Variants in CAMK1D observed in about 807,000 individuals in gnomAD.
CAMK1D encodes calcium/calmodulin dependent protein kinase ID.
A neutral mutation model predicts 47.7 loss-of-function variants in CAMK1D; 9 were observed. The observed-to-expected ratio is 0.19, with a 90% CI of 0.11 to 0.33. The LOEUF (loss-of-function observed/expected upper bound fraction) is 0.33. Among genes scored for constraint, CAMK1D ranks in the 10% least tolerant of loss-of-function variants. The pLI, the probability that CAMK1D is intolerant of heterozygous loss-of-function variation, is 1.00. For synonymous variants in CAMK1D, 184 were observed against 184.9 expected, an observed-to-expected ratio of 0.99 and a Z score of 0.04; for missense variants, 291 against 488.7, an observed-to-expected ratio of 0.60 and a Z score of 3.81.
chr10:12,769,361 G>A (rs947015783), intron 4 of CAMK1D, among the ~76,000 whole-genome samples: 1 of 152,190 alleles, frequency 6.6e-6, no homozygotes, highest in African/African-American at 2.4e-5. Context: ...CCTAACCCCA[G>A]ACGTAAATCC....
chr10:12,528,929 A>G (rs1835715890), intron 1 of CAMK1D, among the ~76,000 whole-genome samples: 1 of 151,848 alleles, frequency 6.6e-6, no homozygotes, highest in Non-Finnish European at 1.5e-5. Flanking sequence ...TTTTGTAGAG[A>G]TAGTGTCTCA....
chr10:12,781,972 GTTTTTTT>G (rs58759372), intron 5 of CAMK1D, among the ~76,000 whole-genome samples: 5 of 128,652 alleles, frequency 3.9e-5, no homozygotes, highest in South Asian at 2.5e-4. Context: ...TAATTTAATT[GTTTTTTT>G]TTTTTTTTTT....
At chr10:12,613,046 A>G (rs765852840) in intron 2 of CAMK1D, among the ~76,000 whole-genome samples, 1 of 152,140 alleles carries the variant, frequency 6.6e-6, no homozygotes, top group Non-Finnish European at 1.5e-5. Flanking sequence ...TGGCAGGAAT[A>G]AAGGTAGTTG....
At chr10:12,614,092 C>G (rs1838711509) in intron 2 of CAMK1D, among the ~76,000 whole-genome samples, 1 of 151,994 alleles carries the variant, frequency 6.6e-6, no homozygotes, top group Non-Finnish European at 1.5e-5. Flanking sequence ...TTAAAAGAGC[C>G]AGACTGCCTT....
At chr10:12,554,713 A>ATT (rs111563640) in intron 2 of CAMK1D, among the ~76,000 whole-genome samples, 7 of 148,802 alleles carry the variant, frequency 4.7e-5, no homozygotes, top group Non-Finnish European at 9.0e-5. Context: ...ATTAAAAAAA[A>ATT]ATTTTTTTTT....
chr10:12,523,346 G>A (rs1007132320), intron 1 of CAMK1D, among the ~76,000 whole-genome samples: 12 of 152,252 alleles, frequency 7.9e-5, no homozygotes, highest in East Asian at 7.7e-4. Flanking sequence ...ACAGGGTGGT[G>A]GCCGGGCAGA....
At chr10:12,736,679 C>T (rs1310431077) in intron 3 of CAMK1D, among the ~76,000 whole-genome samples, 1 of 149,328 alleles carries the variant, frequency 6.7e-6, no homozygotes, top group Non-Finnish European at 1.5e-5. Context: ...ACACGATGTG[C>T]TTCCAAACTT....
At chr10:12,734,406 ACACACACACACACATG>A (rs1564524366) in intron 3 of CAMK1D, among the ~76,000 whole-genome samples, 6 of 43,938 alleles carry the variant, frequency 1.4e-4, no homozygotes, top group African/African-American at 3.6e-4. Context: ...ATATATATAT[ACACACACACACACATG>A]TATATATATA....
intron 2 of CAMK1D, among the ~76,000 whole-genome samples, chr10:12,557,551 C>CAAAA (rs5783273): frequency 1.2e-5 from 1 of 84,472 alleles, no homozygotes; most frequent in Non-Finnish European, 2.5e-5. Context: ...GACTCCATCT[C>CAAAA]AAAAAAAAAA....
At chr10:12,358,482 G>A (rs754943699) in intron 1 of CAMK1D, among the ~76,000 whole-genome samples, 4 of 152,146 alleles carry the variant, frequency 2.6e-5, no homozygotes, top group Non-Finnish European at 2.9e-5. Context: ...GCAGTGGGCC[G>A]AGATTGTGCC....
chr10:12,588,943 C>T (rs1564430581), intron 2 of CAMK1D, among the ~76,000 whole-genome samples: 1 of 151,384 alleles, frequency 6.6e-6, no homozygotes, highest in East Asian at 2.0e-4. Flanking sequence ...GTATACAATA[C>T]ACATATTTAT....
intron 6 of CAMK1D, among the ~76,000 whole-genome samples, chr10:12,808,279 T>C (rs1469401013): frequency 6.6e-6 from 1 of 152,250 alleles, no homozygotes; most frequent in Non-Finnish European, 1.5e-5. Flanking sequence ...TTATTATCTC[T>C]TTATGTGCCT....
intron 3 of CAMK1D, among the ~76,000 whole-genome samples, chr10:12,716,192 C>G (rs1048238136): frequency 6.6e-6 from 1 of 152,084 alleles, no homozygotes; most frequent in African/African-American, 2.4e-5. Context: ...ATCCCTTAGA[C>G]CAGGGACTCT....
intron 2 of CAMK1D, among the ~76,000 whole-genome samples, chr10:12,606,740 G>A (rs1838472720): frequency 6.6e-6 from 1 of 152,198 alleles, no homozygotes; most frequent in Non-Finnish European, 1.5e-5. Flanking sequence ...GAGATTGCTG[G>A]GGATTGGATA....
chr10:12,489,524 AGTGGT>A (rs1239643940), intron 1 of CAMK1D, among the ~76,000 whole-genome samples: 1 of 152,172 alleles, frequency 6.6e-6, no homozygotes, highest in African/African-American at 2.4e-5. Context: ...GAAGCAGCCC[AGTGGT>A]GTGCTGGTAA....
At chr10:12,520,065 G>T (rs1402397353) in intron 1 of CAMK1D, among the ~76,000 whole-genome samples, 1 of 82,778 alleles carries the variant, frequency 1.2e-5, no homozygotes, top group East Asian at 3.9e-4. Context: ...CCGGGTGGGG[G>T]GCTGACCCCC....
intron 1 of CAMK1D, among the ~76,000 whole-genome samples, chr10:12,503,334 G>A (rs937650587): frequency 6.6e-5 from 10 of 152,198 alleles, no homozygotes; most frequent in Non-Finnish European, 2.9e-5. Flanking sequence ...ATTTAAATGC[G>A]TTCAACGACA....
chr10:12,829,008 G>C lies in CAMK1D; in HGVS notation c.*121G>C, dbSNP rs528033693. 1 of 659,534 alleles carries C rather than the reference G, an allele frequency of 1.5e-6. No individual in the cohort carries two copies. Among genetic ancestry groups the C allele is most frequent in the Admixed American group, 3.2e-5 (1 of 31,070 alleles). The allele number at this position is 659,534 out of a possible 1,614,324, so 40.9% of individuals were successfully genotyped here. ...TGGTGCCCCTTCCTGCATAGGACTG[G>C]AAGACCGAAGTTTTTTTATGGCCAT... On this transcript the variant is annotated 3_prime_UTR_variant, in exon 11 of 11. Coordinates refer to ENST00000619168, the MANE Select transcript of CAMK1D (RefSeq NM_153498.4).
At chr10:12,669,124 C>T (rs1268322238) in intron 3 of CAMK1D, among the ~76,000 whole-genome samples, 1 of 152,012 alleles carries the variant, frequency 6.6e-6, no homozygotes, top group African/African-American at 2.4e-5. Context: ...CACATCTACT[C>T]AGGAGGCTGA....
Sources: allele counts gnomAD v4.1 joint callset (sites outside exome capture counted in the v4.1 genomes callset), GRCh38; gene constraint gnomAD v4.1.1; transcripts MANE v1.5; gene names NCBI Gene and HGNC (gene_info 2026-07-23, HGNC 2026-07-21).